Variants in PIK3R2 observed in about 807,000 individuals in gnomAD.
PIK3R2 encodes phosphoinositide-3-kinase regulatory subunit 2.
A neutral mutation model predicts 78.5 loss-of-function variants in PIK3R2; 40 were observed. The observed-to-expected ratio is 0.51, with a 90% CI of 0.40 to 0.66. The LOEUF (loss-of-function observed/expected upper bound fraction) is 0.66, where lower values mean the gene tolerates loss of function less well. Among genes scored for constraint, PIK3R2 ranks in the 30% least tolerant of loss-of-function variants. PIK3R2 has a pLI of 0.00. For missense variants in PIK3R2, 880 were observed against 1,026.6 expected, an observed-to-expected ratio of 0.86 and a Z score of 1.95; for synonymous variants, 473 against 457.7, an observed-to-expected ratio of 1.03 and a Z score of -0.43.
chr19:18,162,793 G>C (rs1349168385), intron 9 of PIK3R2, 174 bp from the exon 10 acceptor site: 1 of 628,192 alleles, frequency 1.6e-6, no homozygotes. Flanking sequence ...GGGAGGCTGA[G>C]GCAGGAGAAT....
In PIK3R2 at chr19:18,167,429, T is replaced by C; in HGVS notation, c.1736+123T>C. 1.3e-6 allele frequency: 1 copy of C among 779,982 alleles called. No homozygotes were observed. Among genetic ancestry groups the C allele is most frequent in the Non-Finnish European group, 1.9e-6 (1 of 529,386 alleles). 48.3% of individuals were successfully genotyped at this position (779,982 alleles called of 1,614,324 possible). ...GGCCCTTCCTGGGCCCCGAGACCCC[T>C]TAAACTCGGTTCCTCCCGGGCCCCT... is the stretch of plus-strand genomic sequence containing the variant. On this transcript the variant is annotated intron_variant, in intron 13 of 15. Coordinates refer to ENST00000222254, the MANE Select transcript of PIK3R2 (RefSeq NM_005027.4). This position sits in a 1 kb window ranked among gnomAD's most constrained non-coding sequence, Gnocchi z 4.5.
intron 11 of PIK3R2, among the ~76,000 whole-genome samples, chr19:18,164,267 C>T (rs900185287): frequency 4.6e-5 from 7 of 152,146 alleles, no homozygotes; most frequent in African/African-American, 7.2e-5. Context: ...AGCCTATCTC[C>T]GGCTGGCCCT....
intron 9 of PIK3R2, 60 bp from the exon 10 acceptor site, chr19:18,162,907 C>A: frequency 2.0e-6 from 3 of 1,487,378 alleles, no homozygotes; most frequent in South Asian, 2.4e-5. Context: ...AAAAAGGGGA[C>A]AGGGATTGAG....
In PIK3R2 at chr19:18,168,493, C is replaced by T. The variant is rs372216409; in HGVS notation, c.1755C>T (p.Gly585=). 1.9e-5 allele frequency: 15 copies of T among 780,606 alleles called. No individual in the cohort carries two copies. The highest frequency in any genetic ancestry group is 3.4e-5 in the Admixed American group (2 of 58,908). The allele number at this position is 780,606 out of a possible 1,614,324, so 48.4% of individuals were successfully genotyped here. A position where few individuals can be genotyped will look rare whatever the true frequency, so the allele number is the denominator to read the frequency against. Residue 585 remains glycine, a synonymous_variant, in exon 14 of 16, where the codon GGC becomes GGT. Transcript: ENST00000222254. The surrounding 1 kb of genome is among the most constrained non-coding windows in gnomAD (Gnocchi z 4.1). ...TTCTCAGGTGGCTCACCCAGAAAGGCGCCCGGCAGAAGAAAATCAACGAGT... is the reference window on the plus strand; with the variant it reads ...TTCTCAGGTGGCTCACCCAGAAAGGTGCCCGGCAGAAGAAAATCAACGAGT... ...DQYLVWLTQK[G]ARQKKINEWL...
intron 12 of PIK3R2, among the ~76,000 whole-genome samples, chr19:18,166,705 C>CT: frequency 9.5e-6 from 1 of 105,680 alleles, no homozygotes; most frequent in Non-Finnish European, 2.0e-5. Context: ...GAAAGACTGT[C>CT]TCAAAAAAAA....
chr19:18,163,288 T>A lies in PIK3R2; in HGVS notation c.1316T>A (p.Val439Glu). 6.2e-7 allele frequency: 1 copy of A among 1,613,900 alleles called. No individual in the cohort carries two copies. Among genetic ancestry groups the A allele is most frequent in the Non-Finnish European group, 8.5e-7 (1 of 1,179,984 alleles). Residue 439 changes from valine to glutamate, a missense_variant, in exon 11 of 16, where the codon GTG becomes GAG. Around this residue, in one of 3 missense-constraint regions of PIK3R2, gnomAD observed 156 missense variants for 241.0 expected, o/e 0.65. Coordinates refer to ENST00000222254, the MANE Select transcript of PIK3R2 (RefSeq NM_005027.4). ...GACCAGATTGTCAAGGAGGACAGCG[T>A]GGAGGCAGTGGGCGCCCAGCTTAAG... ...QQDQIVKEDS[V>E]EAVGAQLKVY... is the part of the protein sequence containing the mutation.
chr19:18,162,528 G>T, intron 9 of PIK3R2, 22 bp downstream of exon 9: 1 of 1,596,344 alleles, frequency 6.3e-7, no homozygotes, highest in Non-Finnish European at 8.6e-7. Flanking sequence ...TCCCTGCAAG[G>T]ATAACCGGGG....
chr19:18,163,735 T>A (rs1157540513), intron 11 of PIK3R2, among the ~76,000 whole-genome samples: 1 of 152,086 alleles, frequency 6.6e-6, no homozygotes, highest in Non-Finnish European at 1.5e-5. Flanking sequence ...GGTGGGAGGA[T>A]CCCTTGAGCC....
rs1026312438 is a variant in PIK3R2, at chr19:18,161,434, C to T, written c.754C>T (p.Pro252Ser). ...AVRALGATFG[P>S]LLLRAPPPPS... The stretch of plus-strand genomic sequence containing the variant: ...CCGGGCCCTGGGCGCCACCTTTGGG[C>T]CGCTGCTGCTGCGCGCGCCGCCGCC... Residue 252 changes from proline (P) to serine (S), a missense_variant, in exon 6 of 16, where the codon CCG becomes TCG. Pro to Ser is a moderately conservative substitution (Grantham distance 74). Around this residue, in one of 3 missense-constraint regions of PIK3R2, gnomAD observed 456 missense variants for 486.6 expected, o/e 0.94. Coordinates refer to ENST00000222254, the MANE Select transcript of PIK3R2 (RefSeq NM_005027.4). This position sits in a 1 kb window ranked among gnomAD's most constrained non-coding sequence, Gnocchi z 5.3. The T allele has an allele frequency of 8.2e-7, 1 of 1,212,874 alleles. No homozygotes were observed. Among genetic ancestry groups the T allele is most frequent in the South Asian group, 3.8e-5 (1 of 26,380 alleles). The allele number at this position is 1,212,874 out of a possible 1,614,324, so 75.1% of individuals were successfully genotyped here.
Position 18,163,011 on chromosome 19 carries a change from G to A in PIK3R2, c.1154G>A (p.Gly385Glu), listed in dbSNP as rs764155293. ...NKLIKVFHRDGHYGFSEPLTF... is the reference protein window; with the variant it reads ...NKLIKVFHRDEHYGFSEPLTF... ...CTGATCAAGGTCTTCCACCGAGATG[G>A]GCACTATGGCTTCTCAGAGCCACTC... The change falls in exon 10 of 16, where the codon GGG becomes GAG. Residue 385 changes from glycine to glutamate, a missense_variant. Gly to Glu is a moderately conservative substitution (Grantham distance 98). Transcript: ENST00000222254. The A allele has an allele frequency of 6.2e-7, 1 of 1,613,856 alleles. No individual in the cohort carries two copies. The highest frequency in any genetic ancestry group is 8.5e-7 in the Non-Finnish European group (1 of 1,179,972).
chr19:18,161,462 C>T lies in PIK3R2; in HGVS notation c.782C>T (p.Pro261Leu), dbSNP rs1174739222. 19 of 1,195,682 alleles carry T rather than the reference C, an allele frequency of 1.6e-5. No homozygotes were observed. Among genetic ancestry groups the T allele is most frequent in the African/African-American group, 3.2e-5 (2 of 62,394 alleles). 74.1% of individuals were successfully genotyped at this position (1,195,682 alleles called of 1,614,324 possible). A position where few individuals can be genotyped will look rare whatever the true frequency, so the allele number is the denominator to read the frequency against. Residue 261 changes from proline to leucine, a missense_variant, in exon 6 of 16, where the codon CCG becomes CTG. By Grantham distance (98) the Pro-to-Leu change is moderately conservative. Coordinates refer to ENST00000222254, the MANE Select transcript of PIK3R2 (RefSeq NM_005027.4). The surrounding 1 kb of genome is among the most constrained non-coding windows in gnomAD (Gnocchi z 5.3). ...GPLLLRAPPP[P>L]SSPPPGGAPD... ...CTGCTGCTGCGCGCGCCGCCGCCGC[C>T]GTCCTCGCCGCCGCCAGGGGGCGCT...
At position 18,153,185 on chromosome 19, in the gene PIK3R2, C is replaced by CGGCGGA. The variant is rs2043630713; in HGVS notation, c.-527_-522dup. 6.5e-6 allele frequency: 1 copy of CGGCGGA among 153,362 alleles called. No homozygotes were observed. Among genetic ancestry groups the CGGCGGA allele is most frequent in the African/African-American group, 2.4e-5 (1 of 41,454 alleles). The allele number at this position is 153,362 out of a possible 1,614,324, so 9.5% of individuals were successfully genotyped here. On this transcript the variant is annotated 5_prime_UTR_variant, in exon 1 of 16. Coordinates refer to ENST00000222254, the MANE Select transcript of PIK3R2 (RefSeq NM_005027.4). ...GCCAGGCCGCTCGGAACCGTGGCGG[C>CGGCGGA]GGCGGAGGCGGGGATCCCGCGGCTG... is the stretch of plus-strand genomic sequence containing the variant.
Position 18,162,240 on chromosome 19 carries a change from A to G in PIK3R2, c.940A>G (p.Thr314Ala), listed in dbSNP as rs1277755510. ...ACCCCCCAAGGCAAAGCCGGCCTCC[A>G]CAGTCCTGGCCAATGGAGGGAGCCC... The part of the protein sequence containing the change: ...PKPPKAKPAS[T>A]VLANGGSPPS... Residue 314 changes from threonine to alanine, a missense_variant, in exon 8 of 16, where the codon ACA (threonine) becomes GCA (alanine). Thr to Ala is a moderately conservative substitution (Grantham distance 58, BLOSUM62 0). Coordinates refer to ENST00000222254, the MANE Select transcript of PIK3R2 (RefSeq NM_005027.4). 1.2e-6 allele frequency: 2 copies of G among 1,608,424 alleles called. No homozygotes were observed. The highest frequency in any genetic ancestry group is 2.2e-5 in the South Asian group (2 of 90,914).
rs559911852 is a variant in PIK3R2 at position 18,155,850 on chromosome 19, C to T, written c.-30C>T. On this transcript the variant is annotated 5_prime_UTR_variant, in exon 2 of 16. Transcript: ENST00000222254. Reference sequence around the variant, plus strand: ...AGTGGGGCTCCAAGCAGCCACCTAACCATCCAGACCCCACCCCACTCACGC... The same window carrying T: ...AGTGGGGCTCCAAGCAGCCACCTAATCATCCAGACCCCACCCCACTCACGC... The T allele has an allele frequency of 3.1e-4, 468 of 1,508,652 alleles. 2 individuals are homozygous for T. In the South Asian group the frequency reaches 5.5e-3, roughly 18 times the overall value. The allele number at this position is 1,508,652 out of a possible 1,614,324, so 93.5% of individuals were successfully genotyped here. A position where few individuals can be genotyped will look rare whatever the true frequency, so the allele number is the denominator to read the frequency against.
At chr19:18,166,980 T>TA (rs2043816260) in intron 12 of PIK3R2, 150 bp from the exon 13 acceptor site, 3 of 578,944 alleles carry the variant, frequency 5.2e-6, no homozygotes, top group Non-Finnish European at 8.6e-6. Flanking sequence ...CAAAAAATAT[T>TA]AAAATGTTAG....
intron 2 of PIK3R2, among the ~76,000 whole-genome samples, chr19:18,158,699 G>C (rs752926441): frequency 5.3e-5 from 8 of 152,196 alleles, no homozygotes; most frequent in Non-Finnish European, 7.3e-5. Flanking sequence ...AGAGAGGGCA[G>C]GTCCTGTGGC....
intron 1 of PIK3R2, 111 bp from the exon 2 acceptor site, chr19:18,155,346 C>T (rs2147944048): frequency 2.9e-6 from 1 of 341,004 alleles, no homozygotes. Flanking sequence ...GGGACCGGCC[C>T]CAAGGTCACC....
Position 18,156,076 on chromosome 19 carries a change from A to T in PIK3R2, c.197A>T (p.Gln66Leu), listed in dbSNP as rs2147945155. 1 of 1,562,134 alleles carries T rather than the reference A, an allele frequency of 6.4e-7. No individual in the cohort carries two copies. The highest frequency in any genetic ancestry group is 8.7e-7 in the Non-Finnish European group (1 of 1,154,274). ...WMPGLNERTR[Q>L]RGDFPGTYVE... is the part of the protein sequence containing the mutation. ...CCCGGCCTCAACGAGCGCACACGGC[A>T]GCGAGGTGACTTCCCTGGCACCTAT... Residue 66 changes from glutamine (Q) to leucine (L), a missense_variant, in exon 2 of 16, where the codon CAG (glutamine) becomes CTG (leucine). Physicochemically the swap from Gln to Leu is moderately radical, Grantham distance 113 (BLOSUM62 -2). Around this residue, in one of 3 missense-constraint regions of PIK3R2, gnomAD observed 456 missense variants for 486.6 expected, o/e 0.94. Coordinates refer to ENST00000222254, the MANE Select transcript of PIK3R2 (RefSeq NM_005027.4). The surrounding 1 kb of genome is among the most constrained non-coding windows in gnomAD (Gnocchi z 4.2).
Position 18,156,066 on chromosome 19 carries a change from C to T in PIK3R2, c.187C>T (p.Arg63Cys), listed in dbSNP as rs1334738806. Reference sequence around the variant, plus strand: ...GGGCTGGATGCCCGGCCTCAACGAGCGCACACGGCAGCGAGGTGACTTCCC... The same window carrying T: ...GGGCTGGATGCCCGGCCTCAACGAGTGCACACGGCAGCGAGGTGACTTCCC... ...SVGWMPGLNE[R>C]TRQRGDFPGT... Residue 63 changes from arginine (R) to cysteine (C), a missense_variant, in exon 2 of 16, where the codon CGC becomes TGC. Arg to Cys is a radical substitution (Grantham distance 180). Around this residue, in one of 3 missense-constraint regions of PIK3R2, gnomAD observed 456 missense variants for 486.6 expected, o/e 0.94. Coordinates refer to ENST00000222254, the MANE Select transcript of PIK3R2 (RefSeq NM_005027.4). The surrounding 1 kb of genome is among the most constrained non-coding windows in gnomAD (Gnocchi z 4.2). 5.1e-6 allele frequency: 8 copies of T among 1,563,114 alleles called. No homozygotes were observed. The highest frequency in any genetic ancestry group is 3.8e-5 in the Admixed American group (2 of 52,948).
Sources: gnomAD v4.1 joint callset for allele counts (sites outside exome capture counted in the v4.1 genomes callset) on GRCh38, gnomAD v4.1.1 for gene constraint, gnomAD v4.1.1 regional missense constraint, Gnocchi (gnomAD v3.1) non-coding constraint, MANE v1.5 for transcripts, NCBI Gene and HGNC (gene_info 2026-07-23, HGNC 2026-07-21) for gene names.